The following NAA11 variants were observed in gnomAD, a reference collection of about 807,000 sequenced individuals.
NAA11 encodes N-alpha-acetyltransferase 11.
In NAA11, 15 loss-of-function variants were observed where a neutral mutation model predicts 16.1. The ratio of observed to expected loss-of-function variants is 0.93; its 90% CI spans 0.62 to 1.44. The LOEUF (loss-of-function observed/expected upper bound fraction) is 1.44. Among genes scored for constraint, NAA11 ranks in the 40% most tolerant of loss-of-function variants. NAA11 has a pLI of 0.00. For missense variants in NAA11, 298 were observed against 291.3 expected, an observed-to-expected ratio of 1.02 and a Z score of -0.17; for synonymous variants, 122 against 112.4, an observed-to-expected ratio of 1.09 and a Z score of -0.54.
the NAA11 span, among the ~76,000 whole-genome samples, chr4:79,213,990 A>G: frequency 6.6e-6 from 1 of 152,114 alleles, no homozygotes; most frequent in East Asian, 1.9e-4. Context: ...TGACTCTTAT[A>G]TTTTCAGGAA....
At chr4:79,306,290 A>G (rs1026253194) in intron 1 of NAA11, among the ~76,000 whole-genome samples, 1 of 152,162 alleles carries the variant, frequency 6.6e-6, no homozygotes, top group Admixed American at 6.5e-5. Flanking sequence ...ACAGAAATAT[A>G]TAGTCTCACA....
intron 2 of NAA11, among the ~76,000 whole-genome samples, chr4:79,234,430 G>A (rs1239632765): frequency 6.6e-6 from 1 of 152,100 alleles, no homozygotes; most frequent in Non-Finnish European, 1.5e-5. Flanking sequence ...ATGACTATCA[G>A]GGCATATGGT....
At chr4:79,159,743 A>G in the NAA11 span, among the ~76,000 whole-genome samples, 439 of 151,080 alleles carry the variant, frequency 2.9e-3, 2 homozygotes, top group Non-Finnish European at 5.4e-3. Flanking sequence ...CCATGAATCT[A>G]CTTTTTGTTT....
the NAA11 span, among the ~76,000 whole-genome samples, chr4:79,155,775 C>T: frequency 2.0e-5 from 3 of 152,228 alleles, no homozygotes; most frequent in Non-Finnish European, 4.4e-5. Context: ...AGAAGACTGA[C>T]GTCTCCTGCT....
At chr4:79,157,686 C>A in the NAA11 span, among the ~76,000 whole-genome samples, 1 of 151,616 alleles carries the variant, frequency 6.6e-6, no homozygotes, top group Non-Finnish European at 1.5e-5. Context: ...CTAATAAAAG[C>A]CAGCTATGAC....
intron 1 of NAA11, among the ~76,000 whole-genome samples, chr4:79,309,426 C>G (rs143059024): frequency 6.6e-6 from 1 of 152,160 alleles, no homozygotes; most frequent in African/African-American, 2.4e-5. Context: ...ATTTGCAATG[C>G]TCAGGATTTC....
chr4:79,273,161 T>C (rs777532277), intron 2 of NAA11, among the ~76,000 whole-genome samples: 2 of 151,912 alleles, frequency 1.3e-5, no homozygotes, highest in Non-Finnish European at 2.9e-5. Flanking sequence ...AAGGACTCCA[T>C]AGATTCCACC....
chr4:79,223,161 C>G (rs1188961128), downstream of NAA11, among the ~76,000 whole-genome samples: 2 of 151,188 alleles, frequency 1.3e-5, no homozygotes, highest in African/African-American at 4.9e-5. Flanking sequence ...ACCCAAAGGA[C>G]TATAAATCAT....
chr4:79,225,827 C>T (rs1188326449), exon 3 of NAA11: 1 of 151,990 alleles, frequency 6.6e-6, no homozygotes, highest in African/African-American at 2.4e-5. Flanking sequence ...AGGCTGCAGG[C>T]ATAGGGGGAT....
the NAA11 span, among the ~76,000 whole-genome samples, chr4:79,205,248 T>G: frequency 6.6e-6 from 1 of 152,048 alleles, no homozygotes; most frequent in Non-Finnish European, 1.5e-5. Context: ...CTCCACATTG[T>G]TTTCCATAGA....
the NAA11 span, among the ~76,000 whole-genome samples, chr4:79,174,125 T>C: frequency 6.6e-6 from 1 of 152,158 alleles, no homozygotes; most frequent in Admixed American, 6.6e-5. Flanking sequence ...GAACAAATTG[T>C]TTGGAATAAA....
chr4:79,271,416 G>C (rs1304366507), intron 2 of NAA11, among the ~76,000 whole-genome samples: 1 of 151,692 alleles, frequency 6.6e-6, no homozygotes, highest in Non-Finnish European at 1.5e-5. Flanking sequence ...CATGCTCATG[G>C]GTAGGAAGAA....
the NAA11 span, chr4:79,196,055 C>T: frequency 1.3e-5 from 2 of 152,160 alleles, no homozygotes; most frequent in Non-Finnish European, 2.9e-5. Context: ...AAAATTTACT[C>T]CCCTTTCTCC....
intron 2 of NAA11, among the ~76,000 whole-genome samples, chr4:79,283,982 A>G (rs1722853487): frequency 6.6e-6 from 1 of 151,912 alleles, no homozygotes; most frequent in African/African-American, 2.4e-5. Context: ...TATTTGTTGA[A>G]TGAATGAATG....
chr4:79,269,565 T>C (rs1578171668), intron 2 of NAA11, among the ~76,000 whole-genome samples: 1 of 150,548 alleles, frequency 6.6e-6, no homozygotes. Context: ...TTTTTTCTTG[T>C]AAATTTGTTT....
In NAA11 at chr4:79,285,628, AAACT is replaced by A. The variant is rs377310921; in HGVS notation, c.*122+8373_*122+8376del. ...TGTTTTATCATAATGGCATAATTTA[AAACT>A]AACTAAAAATAGCATTAATAATAAT... is the stretch of plus-strand genomic sequence containing the variant. On this transcript the variant is annotated intron_variant and NMD_transcript_variant, in intron 2 of 2. Transcript: ENST00000511542. Among the ~76,000 whole-genome samples, 402 of 152,174 alleles carry A rather than the reference AAACT, an allele frequency of 2.6e-3. 1 individual carries two copies. The highest frequency in any genetic ancestry group is 9.0e-3 in the African/African-American group (372 of 41,554).
At chr4:79,194,342 C>T in the NAA11 span, among the ~76,000 whole-genome samples, 9 of 151,990 alleles carry the variant, frequency 5.9e-5, no homozygotes, top group South Asian at 4.1e-4. Flanking sequence ...GATTTCTCAG[C>T]GCACTGACAC....
intron 2 of NAA11, chr4:79,227,995 A>C (rs954002915): frequency 1.3e-5 from 2 of 152,000 alleles, no homozygotes; most frequent in Admixed American, 6.6e-5. Flanking sequence ...TGTCTGTATT[A>C]GTTGTCTTTT....
chr4:79,179,890 A>G, the NAA11 span, among the ~76,000 whole-genome samples: 2 of 152,236 alleles, frequency 1.3e-5, no homozygotes, highest in African/African-American at 4.8e-5. Context: ...GAAACTTACA[A>G]TCATAGCGGA....
Sources: gnomAD v4.1 joint callset for allele counts (sites outside exome capture counted in the v4.1 genomes callset) on GRCh38, gnomAD v4.1.1 for gene constraint, MANE v1.5 for transcripts, NCBI Gene and HGNC (gene_info 2026-07-23, HGNC 2026-07-21) for gene names.